DTNA: variants seen among roughly 807,000 people sequenced by gnomAD.
DTNA encodes dystrophin-related protein 3.
A neutral mutation model predicts 100.7 loss-of-function variants in DTNA; 43 were observed. That is an observed-to-expected ratio of 0.43 (90% CI 0.33 to 0.55). The LOEUF (loss-of-function observed/expected upper bound fraction) is 0.55. Ranked by LOEUF, DTNA falls within the 20% of genes least tolerant of loss-of-function variation. The pLI, the probability that DTNA is intolerant of heterozygous loss-of-function variation, is 0.04. For missense variants in DTNA, 798 were observed against 953.9 expected, an observed-to-expected ratio of 0.84 and a Z score of 2.15; for synonymous variants, 349 against 347.9, an observed-to-expected ratio of 1.00 and a Z score of -0.04.
chr18:34,501,059 C>T (rs1191895454), intron 1 of DTNA, among the ~76,000 whole-genome samples: 1 of 152,084 alleles, frequency 6.6e-6, no homozygotes. Context: ...AGCATTCACT[C>T]TTTCTGCATT....
chr18:34,780,508 A>G (rs2094270626), intron 3 of DTNA, among the ~76,000 whole-genome samples: 1 of 152,242 alleles, frequency 6.6e-6, no homozygotes, highest in Non-Finnish European at 1.5e-5. Context: ...TTTTGATATA[A>G]TCAAGTATGA....
At chr18:34,545,476 C>G (rs931440853) in intron 1 of DTNA, among the ~76,000 whole-genome samples, 1 of 151,938 alleles carries the variant, frequency 6.6e-6, no homozygotes, top group Non-Finnish European at 1.5e-5. Flanking sequence ...TAACCAGGCA[C>G]CATAGTAGTT....
chr18:34,562,816 T>C (rs923309946), intron 1 of DTNA, among the ~76,000 whole-genome samples: 1 of 152,190 alleles, frequency 6.6e-6, no homozygotes, highest in East Asian at 1.9e-4. Context: ...GGAATAGTTA[T>C]CATGACAATC....
At chr18:34,804,297 G>A (rs2095304407) in intron 4 of DTNA, among the ~76,000 whole-genome samples, 2 of 152,174 alleles carry the variant, frequency 1.3e-5, no homozygotes, top group Non-Finnish European at 2.9e-5. Flanking sequence ...ACTGCTGGGT[G>A]TGCCATGAGC....
chr18:34,578,283 T>C (rs1366677566), intron 1 of DTNA, among the ~76,000 whole-genome samples: 1 of 152,174 alleles, frequency 6.6e-6, no homozygotes, highest in Non-Finnish European at 1.5e-5. Context: ...CTTTTGATAA[T>C]TGTCTATTCA....
intron 17 of DTNA, among the ~76,000 whole-genome samples, chr18:34,874,933 C>T (rs892372754): frequency 2.0e-5 from 3 of 152,208 alleles, no homozygotes; most frequent in African/African-American, 7.2e-5. Context: ...AAAGTATCCA[C>T]ACCTTGTAAT....
At chr18:34,602,720 CAAAA>C (rs1369504934) in intron 1 of DTNA, among the ~76,000 whole-genome samples, 3 of 151,210 alleles carry the variant, frequency 2.0e-5, no homozygotes, top group Non-Finnish European at 4.4e-5. Context: ...AACAAACAAA[CAAAA>C]AAAGAGGCCC....
At chr18:34,520,406 C>T (rs1008736580) in intron 1 of DTNA, among the ~76,000 whole-genome samples, 1 of 152,134 alleles carries the variant, frequency 6.6e-6, no homozygotes, top group Non-Finnish European at 1.5e-5. Context: ...AATCCCAGCG[C>T]TTTGAGAGGC....
chr18:34,606,195 G>A (rs531380289), intron 1 of DTNA, among the ~76,000 whole-genome samples: 22 of 152,074 alleles, frequency 1.4e-4, no homozygotes, highest in African/African-American at 5.1e-4. Context: ...CAACGGGAGG[G>A]CTCTATTTTT....
chr18:34,532,185 G>A (rs945414506), intron 1 of DTNA, among the ~76,000 whole-genome samples: 7 of 152,092 alleles, frequency 4.6e-5, no homozygotes, highest in African/African-American at 1.7e-4. Context: ...TTAAAACAGG[G>A]CACACTGGTC....
rs117783288 is a variant in DTNA, at chr18:34,880,059, C to T, written c.2162+340C>T. Among the ~76,000 whole-genome samples, 669 of 152,246 alleles carry T rather than the reference C, an allele frequency of 4.4e-3. 13 individuals carry two copies. In the South Asian group the frequency reaches 0.049, roughly 11 times the overall value. Reference sequence around the variant, plus strand: ...AGACTAGTTCAGGAGATAAATCATCCTATCTTCTGAACTTATTGTATTTGC... The same window carrying T: ...AGACTAGTTCAGGAGATAAATCATCTTATCTTCTGAACTTATTGTATTTGC... On this transcript the variant is annotated intron_variant, in intron 20 of 22. Coordinates refer to ENST00000444659, the MANE Select transcript of DTNA (RefSeq NM_001386795.1).
intron 3 of DTNA, among the ~76,000 whole-genome samples, chr18:34,769,204 T>C (rs1236143633): frequency 6.6e-6 from 1 of 152,206 alleles, no homozygotes; most frequent in Non-Finnish European, 1.5e-5. Context: ...TTTGCAAAGT[T>C]TTCCTTTCTA....
Position 34,890,622 on chromosome 18 carries a change from G to GTTGGCT in DTNA, c.*2888_*2889insTTGGCT. 1.0e-6 allele frequency: 1 copy of GTTGGCT among 961,000 alleles called. No homozygotes were observed. The highest frequency in any genetic ancestry group is 1.8e-5 in the South Asian group (1 of 54,290). The allele number at this position is 961,000 out of a possible 1,614,324, so 59.5% of individuals were successfully genotyped here. ...CACAGCGCCATATTAATGGAGGAGG[G>GTTGGCT]GAGGAAGGTGAAATCTACTGCATGG... On this transcript the variant is annotated 3_prime_UTR_variant, in exon 23 of 23. Transcript: ENST00000444659.
intron 16 of DTNA, among the ~76,000 whole-genome samples, chr18:34,861,216 T>C (rs1277015923): frequency 6.6e-6 from 1 of 152,042 alleles, no homozygotes; most frequent in African/African-American, 2.4e-5. Context: ...CCGGGCGCGG[T>C]GGCTCACACC....
chr18:34,675,600 A>G (rs1030176586), intron 1 of DTNA, among the ~76,000 whole-genome samples: 2 of 152,100 alleles, frequency 1.3e-5, no homozygotes, highest in African/African-American at 4.8e-5. Flanking sequence ...ATGTAATAGG[A>G]TTTTTCTTTT....
chr18:34,865,888 G>T (rs2096695990), intron 17 of DTNA, among the ~76,000 whole-genome samples: 1 of 152,218 alleles, frequency 6.6e-6, no homozygotes, highest in Non-Finnish European at 1.5e-5. Context: ...GGACAGAGAG[G>T]TGGATTGTGT....
intron 1 of DTNA, among the ~76,000 whole-genome samples, chr18:34,501,405 G>A (rs1234015111): frequency 1.3e-5 from 2 of 152,108 alleles, no homozygotes; most frequent in Non-Finnish European, 2.9e-5. Flanking sequence ...TATTCATGAG[G>A]AATATTGACT....
At chr18:34,807,135 G>A (rs979467343) in intron 5 of DTNA, among the ~76,000 whole-genome samples, 18 of 152,140 alleles carry the variant, frequency 1.2e-4, no homozygotes, top group African/African-American at 4.3e-4. Context: ...GGATGAGGGT[G>A]GGTGAAAAGC....
chr18:34,890,041 A>G lies in DTNA; in HGVS notation c.*2307A>G. 3.1e-6 allele frequency: 4 copies of G among 1,299,948 alleles called. No individual in the cohort carries two copies. Among genetic ancestry groups the G allele is most frequent in the Non-Finnish European group, 3.9e-6 (4 of 1,023,682 alleles). 80.5% of individuals were successfully genotyped at this position (1,299,948 alleles called of 1,614,324 possible). ...TAGCCAGGTAGTTCTTGAACTCAGA[A>G]CTTAAATCCTGCACGTGGCACTCCA... is the stretch of plus-strand genomic sequence containing the variant. On this transcript the variant is annotated 3_prime_UTR_variant, in exon 23 of 23. Coordinates refer to ENST00000444659, the MANE Select transcript of DTNA (RefSeq NM_001386795.1).
Sources: allele counts gnomAD v4.1 joint callset (sites outside exome capture counted in the v4.1 genomes callset), GRCh38; gene constraint gnomAD v4.1.1; transcripts MANE v1.5; gene names NCBI Gene and HGNC (gene_info 2026-07-23, HGNC 2026-07-21).